RFTN1: variants seen among roughly 807,000 people sequenced by gnomAD.
RFTN1 encodes raftlin.
Under a neutral mutation model 46.5 loss-of-function variants are expected in RFTN1, and 26 were observed. That is an observed-to-expected ratio of 0.56 (90% CI 0.41 to 0.78). RFTN1 has a LOEUF of 0.78. RFTN1 is among the 30% of genes least tolerant of loss of function. The pLI, the probability that RFTN1 is intolerant of heterozygous loss-of-function variation, is 0.00. For synonymous variants in RFTN1, 261 were observed against 284.2 expected (o/e 0.92, Z 0.82); for missense variants, 693 against 718.7 (o/e 0.96, Z 0.41).
At chr3:16,494,707 T>C (rs1013287511) in intron 1 of RFTN1, among the ~76,000 whole-genome samples, 3 of 152,236 alleles carry the variant, frequency 2.0e-5, no homozygotes, top group African/African-American at 4.8e-5. Flanking sequence ...AGGCTCTCTG[T>C]TTATTTGGGC....
At chr3:16,319,914 G>A (rs548292484) in intron 9 of RFTN1, among the ~76,000 whole-genome samples, 72 of 152,264 alleles carry the variant, frequency 4.7e-4, no homozygotes, top group African/African-American at 1.5e-3. Context: ...GAGTAGGACC[G>A]GGGGAGTCTC....
rs1693738778 is a variant in RFTN1 at position 16,513,142 on chromosome 3, C to T, written c.-9+300G>A. ...CTGAGCCTGCAGAGCCTACGACCCC[C>T]AACAGGCTGCTCCGAAGTGCCTCTC... On this transcript the variant is annotated intron_variant, in intron 1 of 9. Transcript: ENST00000334133. The surrounding 1 kb of genome is among the most constrained non-coding windows in gnomAD (Gnocchi z 5.4). The T allele has an allele frequency of 6.5e-6, 1 of 152,788 alleles. No individual in the cohort carries two copies. Among genetic ancestry groups the T allele is most frequent in the African/African-American group, 2.4e-5 (1 of 41,470 alleles). 9.5% of individuals were successfully genotyped at this position (152,788 alleles called of 1,614,324 possible).
At chr3:16,495,638 T>C (rs2076612311) in intron 1 of RFTN1, among the ~76,000 whole-genome samples, 1 of 152,184 alleles carries the variant, frequency 6.6e-6, no homozygotes, top group African/African-American at 2.4e-5. Flanking sequence ...AGCAAAGGCA[T>C]GGAGGCAGGA....
At position 16,316,478 on chromosome 3, in the gene RFTN1, C is replaced by T. The variant is rs150410164; in HGVS notation, c.*350G>A. ...GCCCAGGGTGTCCATGGATTTGACC[C>T]GAATGCTCCCTGGAGGCCCTGTGGC... On this transcript the variant is annotated 3_prime_UTR_variant, in exon 10 of 10. Transcript: ENST00000334133. The surrounding 1 kb of genome is among the most constrained non-coding windows in gnomAD (Gnocchi z 4.5). The T allele has an allele frequency of 1.4e-3, 441 of 321,984 alleles. 11 individuals carry two copies. In the East Asian group the frequency reaches 0.031, roughly 23 times the overall value. 19.9% of individuals were successfully genotyped at this position (321,984 alleles called of 1,614,324 possible). A position where few individuals can be genotyped will look rare whatever the true frequency, so the allele number is the denominator to read the frequency against.
chr3:16,382,942 CCA>C lies in RFTN1; in HGVS notation c.442-4842_442-4841del, dbSNP rs1225584182. Among the ~76,000 whole-genome samples, 1 of 152,144 alleles carries C rather than the reference CCA, an allele frequency of 6.6e-6. No homozygotes were observed. Among genetic ancestry groups the C allele is most frequent in the Non-Finnish European group, 1.5e-5 (1 of 68,040 alleles). ...CAGGTCACCTCAGCCATGGAGCTCC[CCA>C]CAGACTCCCACGCATGCCCACAACA... On this transcript the variant is annotated intron_variant, in intron 4 of 9. Transcript: ENST00000334133. This position sits in a 1 kb window ranked among gnomAD's most constrained non-coding sequence, Gnocchi z 4.7.
chr3:16,419,263 G>A (rs17042252), intron 3 of RFTN1, among the ~76,000 whole-genome samples: 29,536 of 152,044 alleles, frequency 0.19, 3,356 homozygotes, highest in Admixed American at 0.27. Context: ...TGCAGTGACC[G>A]GGGCAGAATA....
rs904211442 is a variant in RFTN1 at position 16,498,640 on chromosome 3, A to G, written c.-8-4763T>C. Among the ~76,000 whole-genome samples, 1 of 152,124 alleles carries G rather than the reference A, an allele frequency of 6.6e-6. No homozygotes were observed. Among genetic ancestry groups the G allele is most frequent in the Non-Finnish European group, 1.5e-5 (1 of 68,032 alleles). On this transcript the variant is annotated intron_variant, in intron 1 of 9. Coordinates refer to ENST00000334133, the MANE Select transcript of RFTN1 (RefSeq NM_015150.2). This position sits in a 1 kb window ranked among gnomAD's most constrained non-coding sequence, Gnocchi z 5.2. ...AGCACAGCCCTCTTTGGAAAGGGAG[A>G]CACAGGAAGTAGTTGCTGGCCATCA...
At position 16,513,297 on chromosome 3, in the gene RFTN1, C is replaced by G. The variant is rs547299802; in HGVS notation, c.-9+145G>C. Reference sequence around the variant, plus strand: ...GGGCCAGGGGGTGCTGCTCTGGCAGCTCCGGAGCCCCGGCAAAGAGCAACC... The same window carrying G: ...GGGCCAGGGGGTGCTGCTCTGGCAGGTCCGGAGCCCCGGCAAAGAGCAACC... On this transcript the variant is annotated intron_variant, in intron 1 of 9. Transcript: ENST00000334133. The surrounding 1 kb of genome is among the most constrained non-coding windows in gnomAD (Gnocchi z 5.4). 6.6e-6 allele frequency: 1 copy of G among 152,416 alleles called. No homozygotes were observed. Among genetic ancestry groups the G allele is most frequent in the Admixed American group, 6.5e-5 (1 of 15,286 alleles). 9.4% of individuals were successfully genotyped at this position (152,416 alleles called of 1,614,324 possible).
Position 16,341,358 on chromosome 3 carries a change from G to C in RFTN1, c.1147-14482C>G, listed in dbSNP as rs2071306707. ...TCCACACAGAAACCTACACATGGCT[G>C]TTTATAGCAGCTTTATTCATAATTG... is the stretch of plus-strand genomic sequence containing the variant. On this transcript the variant is annotated intron_variant, in intron 7 of 9. Coordinates refer to ENST00000334133, the MANE Select transcript of RFTN1 (RefSeq NM_015150.2). The surrounding 1 kb of genome is among the most constrained non-coding windows in gnomAD (Gnocchi z 4.7). Among the ~76,000 whole-genome samples, 1 of 152,228 alleles carries C rather than the reference G, an allele frequency of 6.6e-6. No individual in the cohort carries two copies. Among genetic ancestry groups the C allele is most frequent in the Non-Finnish European group, 1.5e-5 (1 of 68,038 alleles).
In RFTN1 at chr3:16,489,750, A is replaced by G. The variant is rs561820176; in HGVS notation, c.145+3975T>C. ...TTGTGAAACCCCATCTCTACTAAAA[A>G]TACCAAAATTAGCCGTGTGTAGTGG... On this transcript the variant is annotated intron_variant, in intron 2 of 9. Coordinates refer to ENST00000334133, the MANE Select transcript of RFTN1 (RefSeq NM_015150.2). This position sits in a 1 kb window ranked among gnomAD's most constrained non-coding sequence, Gnocchi z 4.0. 2.6e-4 allele frequency among the ~76,000 whole-genome samples: 40 copies of G among 152,240 alleles called. No individual in the cohort carries two copies. Among genetic ancestry groups the G allele is most frequent in the African/African-American group, 9.6e-4 (40 of 41,546 alleles).
Position 16,489,610 on chromosome 3 carries a change from T to G in RFTN1, c.145+4115A>C, listed in dbSNP as rs769892500. The stretch of plus-strand genomic sequence containing the variant: ...TATACCTTGATAAAGCTGAAAAATT[T>G]CTGAAACATGAGAGCAGGCCAGTGC... On this transcript the variant is annotated intron_variant, in intron 2 of 9. Coordinates refer to ENST00000334133, the MANE Select transcript of RFTN1 (RefSeq NM_015150.2). The surrounding 1 kb of genome is among the most constrained non-coding windows in gnomAD (Gnocchi z 4.0). Among the ~76,000 whole-genome samples, 3 of 152,120 alleles carry G rather than the reference T, an allele frequency of 2.0e-5. No homozygotes were observed. The highest frequency in any genetic ancestry group is 4.4e-5 in the Non-Finnish European group (3 of 68,014).
Position 16,370,382 on chromosome 3 carries a change from TATG to T in RFTN1, c.827-106_827-104del. Reference sequence around the variant, plus strand: ...ATCTCTCAGGAGCCTGAATAAATGATATGATGAATGCTGAAATCTCTGTGAGGC... The same window carrying T: ...ATCTCTCAGGAGCCTGAATAAATGATATGAATGCTGAAATCTCTGTGAGGC... On this transcript the variant is annotated intron_variant, in intron 5 of 9. Coordinates refer to ENST00000334133, the MANE Select transcript of RFTN1 (RefSeq NM_015150.2). The surrounding 1 kb of genome is among the most constrained non-coding windows in gnomAD (Gnocchi z 5.5). The T allele has an allele frequency of 2.9e-6, 3 of 1,023,112 alleles. No individual in the cohort carries two copies. Among genetic ancestry groups the T allele is most frequent in the Non-Finnish European group, 4.6e-6 (3 of 656,264 alleles). 63.4% of individuals were successfully genotyped at this position (1,023,112 alleles called of 1,614,324 possible).
chr3:16,440,824 G>C lies in RFTN1; in HGVS notation c.146-6787C>G, dbSNP rs1313009760. Among the ~76,000 whole-genome samples, 1 of 152,142 alleles carries C rather than the reference G, an allele frequency of 6.6e-6. No homozygotes were observed. The highest frequency in any genetic ancestry group is 1.5e-5 in the Non-Finnish European group (1 of 68,028). On this transcript the variant is annotated intron_variant, in intron 2 of 9. Transcript: ENST00000334133. This position sits in a 1 kb window ranked among gnomAD's most constrained non-coding sequence, Gnocchi z 4.6. ...CCCATATGGCCAAAGTCAAGACCTA[G>C]CAGCCTGCAGAGTATGGATGGGGCA...
At chr3:16,495,355 T>C (rs2076607372) in intron 1 of RFTN1, among the ~76,000 whole-genome samples, 1 of 152,194 alleles carries the variant, frequency 6.6e-6, no homozygotes, top group Non-Finnish European at 1.5e-5. Flanking sequence ...ACGTAGCCCG[T>C]CAAGATGTGC....
rs947553835 is a variant in RFTN1 at position 16,426,550 on chromosome 3, C to T, written c.332+7301G>A. Among the ~76,000 whole-genome samples, 2 of 151,962 alleles carry T rather than the reference C, an allele frequency of 1.3e-5. No homozygotes were observed. Among genetic ancestry groups the T allele is most frequent in the African/African-American group, 4.8e-5 (2 of 41,392 alleles). ...CTTCACTTATGGTCCGCAAAGATTT[C>T]CTTTCTTTGAAGGCCATCCTTTGAA... On this transcript the variant is annotated intron_variant, in intron 3 of 9. Coordinates refer to ENST00000334133, the MANE Select transcript of RFTN1 (RefSeq NM_015150.2). This position sits in a 1 kb window ranked among gnomAD's most constrained non-coding sequence, Gnocchi z 5.9.
chr3:16,505,465 A>T (rs1045553959), intron 1 of RFTN1, among the ~76,000 whole-genome samples: 4 of 152,202 alleles, frequency 2.6e-5, no homozygotes, highest in Admixed American at 2.6e-4. Flanking sequence ...CCAGATAGAG[A>T]GAGACAAATA....
chr3:16,318,035 C>T (rs1015129091), intron 9 of RFTN1, among the ~76,000 whole-genome samples: 57 of 152,170 alleles, frequency 3.7e-4, no homozygotes, highest in African/African-American at 1.4e-3. Flanking sequence ...TCCCGGGGGC[C>T]CAACCTGCAA....
At position 16,510,495 on chromosome 3, in the gene RFTN1, C is replaced by T. The variant is rs1481181536; in HGVS notation, c.-9+2947G>A. 2.0e-5 allele frequency among the ~76,000 whole-genome samples: 3 copies of T among 152,172 alleles called. No homozygotes were observed. The East Asian group carries it at 5.8e-4, about 29-fold the overall frequency. On this transcript the variant is annotated intron_variant, in intron 1 of 9. Coordinates refer to ENST00000334133, the MANE Select transcript of RFTN1 (RefSeq NM_015150.2). Reference sequence around the variant, plus strand: ...TCGTCTGCAATGATTTAAGTTTAAACCCATTTTCAGGCAGAGTCAGGGACT... The same window carrying T: ...TCGTCTGCAATGATTTAAGTTTAAATCCATTTTCAGGCAGAGTCAGGGACT...
intron 2 of RFTN1, among the ~76,000 whole-genome samples, chr3:16,453,271 G>A (rs1166351425): frequency 1.3e-5 from 2 of 152,128 alleles, no homozygotes; most frequent in Non-Finnish European, 2.9e-5. Context: ...CTAAGCTAAT[G>A]TTCTCATTCT....
Sources: gnomAD v4.1 joint callset for allele counts (sites outside exome capture counted in the v4.1 genomes callset) on GRCh38, gnomAD v4.1.1 for gene constraint, Gnocchi (gnomAD v3.1) non-coding constraint, MANE v1.5 for transcripts, NCBI Gene and HGNC (gene_info 2026-07-23, HGNC 2026-07-21) for gene names.